Variants in TMEM132B observed in about 807,000 individuals in gnomAD.
The protein encoded by TMEM132B is transmembrane protein 132B.
In TMEM132B, 18 loss-of-function variants were observed where a neutral mutation model predicts 90.8. The observed-to-expected ratio is 0.20, with a 90% confidence interval of 0.14 to 0.29. The LOEUF is 0.29. Ranked by LOEUF, TMEM132B falls within the 10% of genes least tolerant of loss-of-function variation. The pLI is 1.00. For missense variants in TMEM132B, 1,096 were observed against 1,326.8 expected, an observed-to-expected ratio of 0.83 and a Z score of 2.70; for synonymous variants, 504 against 523.3, an observed-to-expected ratio of 0.96 and a Z score of 0.50.
chr12:125,653,231 T>C (rs1050911755), intron 8 of TMEM132B, among the ~76,000 whole-genome samples: 1 of 152,242 alleles, frequency 6.6e-6, no homozygotes, highest in Non-Finnish European at 1.5e-5. Flanking sequence ...GTAGCCTGAT[T>C]TGTTGCACCT....
intron 2 of TMEM132B, among the ~76,000 whole-genome samples, chr12:125,386,389 A>C (rs972238684): frequency 6.6e-6 from 1 of 152,234 alleles, no homozygotes; most frequent in Admixed American, 6.5e-5. Context: ...GTTACGTATG[A>C]CTATGGTCTA....
At chr12:125,428,427 TA>T (rs1247104708) in intron 3 of TMEM132B, among the ~76,000 whole-genome samples, 1 of 152,216 alleles carries the variant, frequency 6.6e-6, no homozygotes, top group Non-Finnish European at 1.5e-5. Flanking sequence ...TGTTTTGACC[TA>T]TTTATTGCCA....
chr12:125,374,655 C>T (rs906002421), intron 2 of TMEM132B, among the ~76,000 whole-genome samples: 7 of 151,836 alleles, frequency 4.6e-5, no homozygotes, highest in Admixed American at 2.6e-4. Flanking sequence ...CGCCCCGCCC[C>T]GGCTTCTCTA....
intron 1 of TMEM132B, among the ~76,000 whole-genome samples, chr12:125,195,653 G>A (rs555978157): frequency 1.3e-3 from 195 of 152,150 alleles, no homozygotes; most frequent in Non-Finnish European, 2.2e-3. Context: ...ACCCACCTTG[G>A]CCTCCCAAAT....
intron 3 of TMEM132B, among the ~76,000 whole-genome samples, chr12:125,478,637 C>T (rs1881955561): frequency 6.6e-6 from 1 of 152,134 alleles, no homozygotes; most frequent in African/African-American, 2.4e-5. Context: ...ACGTCTGATT[C>T]GTGTATCTGA....
intron 5 of TMEM132B, among the ~76,000 whole-genome samples, chr12:125,643,131 G>T (rs1046533447): frequency 6.6e-6 from 1 of 152,162 alleles, no homozygotes; most frequent in Admixed American, 6.5e-5. Flanking sequence ...TTCAAGTGAG[G>T]AAGAGAAGCA....
intron 4 of TMEM132B, among the ~76,000 whole-genome samples, chr12:125,537,676 A>G (rs1267336293): frequency 1.3e-5 from 2 of 152,220 alleles, no homozygotes; most frequent in Admixed American, 1.3e-4. Flanking sequence ...TGGGGACGTC[A>G]GGTCCTGTTC....
rs1374229793 is a variant in TMEM132B at position 125,453,076 on chromosome 12, A to AACACAG, written c.1106+37404_1106+37405insGACACA. 2.4e-3 allele frequency among the ~76,000 whole-genome samples: 350 copies of AACACAG among 143,788 alleles called. 4 individuals are homozygous for AACACAG. Among genetic ancestry groups the AACACAG allele is most frequent in the African/African-American group, 7.5e-3 (291 of 38,636 alleles). 94.3% of individuals were successfully genotyped at this position (143,788 alleles called of 152,430 possible). A position where few individuals can be genotyped will look rare whatever the true frequency, so the allele number is the denominator to read the frequency against. The stretch of plus-strand genomic sequence containing the variant: ...CTGTTTGTTTTTTGCATTTCAGTAA[A>AACACAG]ACACACACACACACACACACACACA... On this transcript the variant is annotated intron_variant, in intron 3 of 8. Coordinates refer to ENST00000682704, the MANE Select transcript of TMEM132B (RefSeq NM_001366854.1).
chr12:125,636,873 A>G (rs1886494902), intron 5 of TMEM132B, among the ~76,000 whole-genome samples: 1 of 152,116 alleles, frequency 6.6e-6, no homozygotes, highest in Non-Finnish European at 1.5e-5. Context: ...AGAGGGTGCA[A>G]ACTCCCCTGT....
intron 1 of TMEM132B, among the ~76,000 whole-genome samples, chr12:125,314,695 C>T (rs548151021): frequency 6.6e-6 from 1 of 152,292 alleles, no homozygotes; most frequent in African/African-American, 2.4e-5. Flanking sequence ...GTGAAGTTGC[C>T]AGAGGCTGCT....
intron 3 of TMEM132B, among the ~76,000 whole-genome samples, chr12:125,455,301 G>A (rs545941099): frequency 2.6e-4 from 40 of 152,322 alleles, no homozygotes; most frequent in African/African-American, 9.4e-4. Context: ...TGGGAACCGA[G>A]GGGCTTAGTT....
chr12:125,633,924 C>T (rs778813932), intron 5 of TMEM132B, among the ~76,000 whole-genome samples: 1 of 152,154 alleles, frequency 6.6e-6, no homozygotes, highest in Non-Finnish European at 1.5e-5. Context: ...TGTAACCATT[C>T]CCTAGCTACC....
intron 6 of TMEM132B, among the ~76,000 whole-genome samples, chr12:125,645,036 T>C (rs1886725875): frequency 6.7e-6 from 1 of 149,368 alleles, no homozygotes; most frequent in Non-Finnish European, 1.5e-5. Flanking sequence ...GCTAACATGG[T>C]GAAAGCCTGT....
chr12:125,550,962 G>A (rs576180728), intron 4 of TMEM132B, among the ~76,000 whole-genome samples: 1 of 152,240 alleles, frequency 6.6e-6, no homozygotes, highest in South Asian at 2.1e-4. Context: ...ACAGTTATGT[G>A]CCAGCACGCT....
intron 4 of TMEM132B, among the ~76,000 whole-genome samples, chr12:125,562,849 A>T (rs1018228721): frequency 2.6e-5 from 4 of 152,128 alleles, no homozygotes; most frequent in Non-Finnish European, 5.9e-5. Context: ...CTCTCCAGCC[A>T]CATGAAACTG....
Position 125,466,269 on chromosome 12 carries a change from A to T in TMEM132B, c.1106+50592A>T, listed in dbSNP as rs148243887. On this transcript the variant is annotated intron_variant, in intron 3 of 8. Transcript: ENST00000682704. ...TTTCCCATTCCTTGTCAGATAGGAG[A>T]TGGAACAAGGGTGCAGCTGCCTAAG... Among the ~76,000 whole-genome samples the T allele has an allele frequency of 1.9e-3, 296 of 152,240 alleles. No individual in the cohort carries two copies. The Middle Eastern group carries it at 0.021, about 11-fold the overall frequency.
chr12:125,558,854 C>T (rs1884454717), intron 4 of TMEM132B, among the ~76,000 whole-genome samples: 1 of 152,144 alleles, frequency 6.6e-6, no homozygotes, highest in Non-Finnish European at 1.5e-5. Flanking sequence ...GGCAAATGAA[C>T]TTGACAAACA....
intron 1 of TMEM132B, among the ~76,000 whole-genome samples, chr12:125,312,027 G>A (rs961631995): frequency 1.3e-5 from 2 of 152,224 alleles, no homozygotes; most frequent in South Asian, 4.1e-4. Context: ...GGTGGGGACT[G>A]TGGCAAAGTG....
At chr12:125,249,283 C>T (rs1377535835) in intron 1 of TMEM132B, among the ~76,000 whole-genome samples, 1 of 152,030 alleles carries the variant, frequency 6.6e-6, no homozygotes, top group Non-Finnish European at 1.5e-5. Context: ...ATCGGTAGAC[C>T]TGTGGTGGGG....
Sources: allele counts gnomAD v4.1 joint callset (sites outside exome capture counted in the v4.1 genomes callset), GRCh38; gene constraint gnomAD v4.1.1; transcripts MANE v1.5; gene names NCBI Gene and HGNC (gene_info 2026-07-23, HGNC 2026-07-21).